The following KIAA1217 variants were observed in gnomAD, a reference collection of about 807,000 sequenced individuals.
KIAA1217 encodes the protein sickle tail protein homolog.
Under a neutral mutation model 163.9 loss-of-function variants are expected in KIAA1217, and 88 were observed. The ratio of observed to expected loss-of-function variants is 0.54; its 90% CI spans 0.45 to 0.64. The LOEUF is 0.64. Among genes scored for constraint, KIAA1217 ranks in the 30% least tolerant of loss-of-function variants. The probability of loss-of-function intolerance (pLI) is 0.00; values close to 1 mark genes in which losing one functional copy is unlikely to be tolerated. For missense variants in KIAA1217, 2,372 were observed against 2,475.0 expected (o/e 0.96, Z 0.88); for synonymous variants, 903 against 923.1 (o/e 0.98, Z 0.39).
intron 2 of KIAA1217, among the ~76,000 whole-genome samples, chr10:24,309,150 A>AGGGG (rs1564446259): frequency 8.7e-6 from 1 of 115,504 alleles, no homozygotes; most frequent in African/African-American, 3.6e-5. Context: ...GGAAGGAAGG[A>AGGGG]AGGGAGGGAG....
chr10:23,883,378 TA>T (rs1841035448), intron 1 of KIAA1217, among the ~76,000 whole-genome samples: 1 of 151,850 alleles, frequency 6.6e-6, no homozygotes, highest in South Asian at 2.1e-4. Flanking sequence ...GCCTCTTGCT[TA>T]AAAAAAGGAA....
chr10:23,911,720 T>C (rs1842437842), intron 1 of KIAA1217, among the ~76,000 whole-genome samples: 1 of 152,170 alleles, frequency 6.6e-6, no homozygotes, highest in Admixed American at 6.6e-5. Context: ...TTTTTCAAGG[T>C]TGAATGTCTA....
chr10:23,880,515 A>G (rs1840903273), intron 1 of KIAA1217, among the ~76,000 whole-genome samples: 1 of 151,902 alleles, frequency 6.6e-6, no homozygotes, highest in African/African-American at 2.4e-5. Flanking sequence ...ATTTAGAAAG[A>G]ATAAGTAAGA....
chr10:23,907,520 A>G (rs1475914697), intron 1 of KIAA1217, among the ~76,000 whole-genome samples: 1 of 152,070 alleles, frequency 6.6e-6, no homozygotes, highest in East Asian at 1.9e-4. Context: ...ACCAGAAGAG[A>G]CAATGGTCCT....
chr10:23,706,098 T>C (rs956281313), intron 1 of KIAA1217, among the ~76,000 whole-genome samples: 24 of 152,316 alleles, frequency 1.6e-4, no homozygotes, highest in Middle Eastern at 3.4e-3. Flanking sequence ...TTTTTTTATA[T>C]TGGTCTTGTG....
At chr10:24,536,073 C>A (rs752069192) in intron 16 of KIAA1217, among the ~76,000 whole-genome samples, 23 of 152,196 alleles carry the variant, frequency 1.5e-4, no homozygotes, top group Admixed American at 2.6e-4. Flanking sequence ...CCTTTTTAGC[C>A]CTGTAGACAC....
intron 1 of KIAA1217, among the ~76,000 whole-genome samples, chr10:23,843,685 A>T (rs1412413891): frequency 6.6e-6 from 1 of 152,106 alleles, no homozygotes; most frequent in African/African-American, 2.4e-5. Flanking sequence ...CTGGGATAAG[A>T]TCTTTGTTGA....
intron 1 of KIAA1217, among the ~76,000 whole-genome samples, chr10:23,880,086 G>A (rs1209347403): frequency 1.3e-5 from 2 of 151,858 alleles, no homozygotes; most frequent in East Asian, 1.9e-4. Context: ...AGAGGGCATA[G>A]GAAGGAGAGA....
At chr10:24,245,713 C>G (rs984941697) in intron 2 of KIAA1217, among the ~76,000 whole-genome samples, 4 of 152,022 alleles carry the variant, frequency 2.6e-5, no homozygotes, top group African/African-American at 9.7e-5. Context: ...CTCACTGCAG[C>G]CTCAACCTCC....
At chr10:24,177,178 G>T (rs2065932968) in intron 2 of KIAA1217, among the ~76,000 whole-genome samples, 1 of 148,212 alleles carries the variant, frequency 6.7e-6, no homozygotes, top group Admixed American at 6.8e-5. Context: ...GGCTCCTCAA[G>T]CATGACCAGA....
Position 24,524,472 on chromosome 10 carries a change from C to T in KIAA1217, c.2606C>T (p.Pro869Leu), listed in dbSNP as rs758311915. 2.0e-5 allele frequency: 33 copies of T among 1,614,104 alleles called. No individual in the cohort carries two copies. The highest frequency in any genetic ancestry group is 2.5e-5 in the Non-Finnish European group (30 of 1,180,058). ...SGQPFHSTGA[P>L]GDAKSEVVPL... ...CAGCCCTTCCACAGCACAGGTGCCC[C>T]TGGCGATGCGAAGTCGGAAGTGGTG... Residue 869 changes from proline to leucine, a missense_variant, in exon 13 of 21, where the codon CCT becomes CTT. Pro to Leu is a moderately conservative substitution (Grantham distance 98). Transcript: ENST00000376454.
chr10:23,922,529 G>A (rs548858152), intron 1 of KIAA1217, among the ~76,000 whole-genome samples: 6 of 152,140 alleles, frequency 3.9e-5, no homozygotes, highest in African/African-American at 1.4e-4. Flanking sequence ...AGTCTTGGGG[G>A]ACTGAACCCT....
chr10:24,001,945 G>A (rs1171600393), intron 1 of KIAA1217, among the ~76,000 whole-genome samples: 1 of 152,146 alleles, frequency 6.6e-6, no homozygotes, highest in Non-Finnish European at 1.5e-5. Context: ...GACAGAGGGT[G>A]TCACACACAG....
intron 2 of KIAA1217, among the ~76,000 whole-genome samples, chr10:24,254,094 T>G (rs2074867559): frequency 6.6e-6 from 1 of 152,094 alleles, no homozygotes; most frequent in Non-Finnish European, 1.5e-5. Flanking sequence ...TGCTCTCAAT[T>G]GAAAAGAAAG....
intron 2 of KIAA1217, among the ~76,000 whole-genome samples, chr10:24,148,067 G>T (rs2064421358): frequency 6.6e-6 from 1 of 151,858 alleles, no homozygotes; most frequent in African/African-American, 2.4e-5. Flanking sequence ...GAGGCAAAAG[G>T]TTTTTTCTCC....
intron 8 of KIAA1217, among the ~76,000 whole-genome samples, chr10:24,496,702 A>G (rs767934105): frequency 1.3e-5 from 2 of 152,244 alleles, no homozygotes; most frequent in African/African-American, 2.4e-5. Context: ...ATGCACATCC[A>G]CACACGTGAC....
chr10:24,312,714 G>A (rs180684900), intron 2 of KIAA1217, among the ~76,000 whole-genome samples: 6 of 152,178 alleles, frequency 3.9e-5, no homozygotes, highest in Non-Finnish European at 7.4e-5. Flanking sequence ...CCAGGAGTTC[G>A]AGACCAGCCT....
At chr10:24,081,920 AC>A (rs796101852) in intron 2 of KIAA1217, among the ~76,000 whole-genome samples, 8 of 152,074 alleles carry the variant, frequency 5.3e-5, no homozygotes, top group African/African-American at 1.7e-4. Flanking sequence ...TAGAAGCTGC[AC>A]CCTTACCCAC....
At chr10:23,770,058 C>T (rs1376372343) in intron 1 of KIAA1217, among the ~76,000 whole-genome samples, 1 of 152,194 alleles carries the variant, frequency 6.6e-6, no homozygotes, top group African/African-American at 2.4e-5. Flanking sequence ...CACTTTCTAT[C>T]CTTCTCCATG....
Sources: gnomAD v4.1 joint callset for allele counts (sites outside exome capture counted in the v4.1 genomes callset) on GRCh38, gnomAD v4.1.1 for gene constraint, MANE v1.5 for transcripts, NCBI Gene and HGNC (gene_info 2026-07-23, HGNC 2026-07-21) for gene names.